Variants in HPGD observed in about 807,000 individuals in gnomAD.
HPGD encodes the protein 15-hydroxyprostaglandin dehydrogenase.
HPGD carries 29 observed loss-of-function variants against 30.0 expected under a neutral mutation model. The observed-to-expected ratio is 0.97, with a 90% CI of 0.72 to 1.32. The LOEUF is 1.32. Ranked by LOEUF, HPGD falls within the 40% of genes most tolerant of loss-of-function variation. The pLI is 0.00. For missense variants in HPGD, 340 were observed against 322.1 expected (o/e 1.06, Z -0.43); for synonymous variants, 99 against 112.4 (o/e 0.88, Z 0.75).
In HPGD at chr4:174,494,283, A is replaced by G. The variant is rs957294267; in HGVS notation, c.499-969T>C. Reference sequence around the variant, plus strand: ...GAATACACATAAAATAAGGTTATGTATTGACTGGTTGATTGGAGTTTTGTG... The same window carrying G: ...GAATACACATAAAATAAGGTTATGTGTTGACTGGTTGATTGGAGTTTTGTG... On this transcript the variant is annotated intron_variant, in intron 5 of 6. Transcript: ENST00000296522. The surrounding 1 kb of genome is among the most constrained non-coding windows in gnomAD (Gnocchi z 4.9). Among the ~76,000 whole-genome samples the G allele has an allele frequency of 1.3e-5, 2 of 152,180 alleles. No individual in the cohort carries two copies. Among genetic ancestry groups the G allele is most frequent in the African/African-American group, 4.8e-5 (2 of 41,454 alleles).
intron 3 of HPGD, among the ~76,000 whole-genome samples, chr4:174,511,837 G>A (rs45557634): frequency 5.3e-5 from 8 of 151,928 alleles, no homozygotes; most frequent in Admixed American, 2.0e-4. Flanking sequence ...TAGTAGAGAC[G>A]GGGTTTCATC....
At chr4:174,511,791 C>T (rs1205388329) in intron 3 of HPGD, among the ~76,000 whole-genome samples, 1 of 152,158 alleles carries the variant, frequency 6.6e-6, no homozygotes, top group Non-Finnish European at 1.5e-5. Context: ...GGACTACAGG[C>T]GTCCGCCACC....
chr4:174,500,469 T>C (rs757353197), intron 4 of HPGD, among the ~76,000 whole-genome samples: 1 of 152,250 alleles, frequency 6.6e-6, no homozygotes, highest in Non-Finnish European at 1.5e-5. Flanking sequence ...AGCAGCTTTA[T>C]TAATTGCCAA....
At chr4:174,501,160 C>T (rs969907986) in intron 4 of HPGD, among the ~76,000 whole-genome samples, 2 of 152,068 alleles carry the variant, frequency 1.3e-5, no homozygotes, top group Non-Finnish European at 2.9e-5. Flanking sequence ...AATGGGAGGA[C>T]CCCTGTTGCA....
intron 3 of HPGD, among the ~76,000 whole-genome samples, chr4:174,510,051 T>C (rs1274918465): frequency 1.3e-5 from 2 of 152,230 alleles, no homozygotes; most frequent in Admixed American, 1.3e-4. Context: ...TCTTAATTCC[T>C]ATTTTTTTCA....
intron 2 of HPGD, among the ~76,000 whole-genome samples, chr4:174,521,657 C>A (rs957796156): frequency 6.6e-6 from 1 of 152,226 alleles, no homozygotes; most frequent in Non-Finnish European, 1.5e-5. Flanking sequence ...TTAATAATTA[C>A]TGCAGCAGCA....
chr4:174,520,015 C>T (rs1476986420), intron 2 of HPGD, among the ~76,000 whole-genome samples: 1 of 152,092 alleles, frequency 6.6e-6, no homozygotes, highest in African/African-American at 2.4e-5. Flanking sequence ...CAAATTGGGT[C>T]CAGAAAATGT....
chr4:174,491,157 AT>A lies in HPGD; in HGVS notation c.*798del, dbSNP rs530867889. 1.6e-3 allele frequency: 244 copies of A among 152,824 alleles called. 2 individuals are homozygous for A. The highest frequency in any genetic ancestry group is 1.0e-3 in the Non-Finnish European group (70 of 67,964). The allele number at this position is 152,824 out of a possible 1,614,324, so 9.5% of individuals were successfully genotyped here. ...TCAATAAAGAAGTAATTTGAAAAAA[AT>A]ATTACATTTGCATTTTTTTCTTGTT... On this transcript the variant is annotated 3_prime_UTR_variant, in exon 7 of 7. Coordinates refer to ENST00000296522, the MANE Select transcript of HPGD (RefSeq NM_000860.6).
chr4:174,504,776 G>A (rs928963613), intron 4 of HPGD, among the ~76,000 whole-genome samples: 1 of 152,044 alleles, frequency 6.6e-6, no homozygotes, highest in East Asian at 1.9e-4. Flanking sequence ...TCGCGCCATT[G>A]CACTCCAGCC....
In HPGD at chr4:174,492,076, A is replaced by T; in HGVS notation, c.681T>A (p.Asn227Lys). 1 of 1,611,620 alleles carries T rather than the reference A, an allele frequency of 6.2e-7. No individual in the cohort carries two copies. The highest frequency in any genetic ancestry group is 8.5e-7 in the Non-Finnish European group (1 of 1,178,252). ...YGILDPPLIA[N>K]GLITLIEDDA... ...CATCTTCAATGAGTGTTATCAATCC[A>T]TTGGCAATCAATGGTGGGCTAAAAA... Residue 227 changes from asparagine to lysine, a missense_variant, in exon 7 of 7, where the codon AAT (asparagine) becomes AAA (lysine). Transcript: ENST00000296522. The surrounding 1 kb of genome is among the most constrained non-coding windows in gnomAD (Gnocchi z 4.9).
At chr4:174,512,828 A>G (rs1324273901) in intron 3 of HPGD, among the ~76,000 whole-genome samples, 1 of 152,204 alleles carries the variant, frequency 6.6e-6, no homozygotes, top group African/African-American at 2.4e-5. Flanking sequence ...ATTTCAATGG[A>G]GAAGGAACTA....
In HPGD at chr4:174,491,980, A is replaced by G. The variant is rs1287586027; in HGVS notation, c.777T>C (p.Thr259=). The part of the protein sequence containing the change: ...KGIHFQDYDT[T]PFQAKTQ ...TTCATTGGGTTTTTGCTTGAAATGGAGTTGTATCATAGTCTTGAAAATGAA... is the reference window on the plus strand; with the variant it reads ...TTCATTGGGTTTTTGCTTGAAATGGGGTTGTATCATAGTCTTGAAAATGAA... Residue 259 remains threonine (T), a synonymous_variant, in exon 7 of 7, where the codon ACT becomes ACC. Transcript: ENST00000296522. The G allele has an allele frequency of 6.2e-7, 1 of 1,611,964 alleles. No homozygotes were observed. The highest frequency in any genetic ancestry group is 8.5e-7 in the Non-Finnish European group (1 of 1,178,566).
chr4:174,499,406 T>A (rs1057013619), intron 4 of HPGD, among the ~76,000 whole-genome samples: 1 of 152,212 alleles, frequency 6.6e-6, no homozygotes, highest in Non-Finnish European at 1.5e-5. Flanking sequence ...TGATATCAAC[T>A]GCAGAAACAG....
At chr4:174,504,127 A>C (rs1383389678) in intron 4 of HPGD, among the ~76,000 whole-genome samples, 1 of 152,190 alleles carries the variant, frequency 6.6e-6, no homozygotes, top group Non-Finnish European at 1.5e-5. Flanking sequence ...TTGCCTAGTT[A>C]CTTTAATATC....
At position 174,518,082 on chromosome 4, in the gene HPGD, T is replaced by A. The variant is rs751722710; in HGVS notation, c.218-5A>T. 2 of 1,379,854 alleles carry A rather than the reference T, an allele frequency of 1.4e-6. No homozygotes were observed. The highest frequency in any genetic ancestry group is 3.4e-5 in the Admixed American group (2 of 59,466). The allele number at this position is 1,379,854 out of a possible 1,614,324, so 85.5% of individuals were successfully genotyped here. The stretch of plus-strand genomic sequence containing the variant: ...CTACAACTTTTCTAAAAGTGTCTAA[T>A]TATAAAACAAGATATTAGTGATACA... On this transcript the variant is annotated splice_polypyrimidine_tract_variant and splice_region_variant and intron_variant, in intron 2 of 6. Transcript: ENST00000296522.
At chr4:174,511,325 G>A (rs1331281800) in intron 3 of HPGD, among the ~76,000 whole-genome samples, 5 of 152,114 alleles carry the variant, frequency 3.3e-5, no homozygotes, top group Non-Finnish European at 7.4e-5. Context: ...AAGCACGTGA[G>A]AGTTATTTAT....
chr4:174,517,345 TG>T (rs1237711698), intron 3 of HPGD, among the ~76,000 whole-genome samples: 11 of 152,336 alleles, frequency 7.2e-5, no homozygotes, highest in African/African-American at 2.4e-4. Flanking sequence ...AAAGTTCGAT[TG>T]TCACTTTAAT....
chr4:174,519,623 T>TA (rs923683285), intron 2 of HPGD, among the ~76,000 whole-genome samples: 1 of 152,144 alleles, frequency 6.6e-6, no homozygotes. Context: ...CTGATGACAT[T>TA]ACCTTGTGAA....
chr4:174,509,103 T>G (rs1295007206), intron 3 of HPGD, among the ~76,000 whole-genome samples: 1 of 152,198 alleles, frequency 6.6e-6, no homozygotes, highest in Non-Finnish European at 1.5e-5. Context: ...TCTTCAATAA[T>G]TCCATATATT....
Sources: gnomAD v4.1 joint callset for allele counts (sites outside exome capture counted in the v4.1 genomes callset) on GRCh38, gnomAD v4.1.1 for gene constraint, Gnocchi (gnomAD v3.1) non-coding constraint, MANE v1.5 for transcripts, NCBI Gene and HGNC (gene_info 2026-07-23, HGNC 2026-07-21) for gene names.